Variants in TRIP4 observed in about 807,000 individuals in gnomAD.
TRIP4 encodes the protein thyroid hormone receptor interactor 4.
A neutral mutation model predicts 81.8 loss-of-function variants in TRIP4; 54 were observed. That is an observed-to-expected ratio of 0.66 (90% CI 0.53 to 0.83). TRIP4 has a LOEUF of 0.83. Among genes scored for constraint, TRIP4 ranks in the 40% least tolerant of loss-of-function variants. TRIP4 has a pLI of 0.00. For missense variants in TRIP4, 662 were observed against 683.6 expected (o/e 0.97, Z 0.35); for synonymous variants, 270 against 242.8 (o/e 1.11, Z -1.04).
chr15:64,424,520 T>G (rs964624730), intron 10 of TRIP4, among the ~76,000 whole-genome samples: 1 of 152,228 alleles, frequency 6.6e-6, no homozygotes, highest in African/African-American at 2.4e-5. Flanking sequence ...AGACACCTAC[T>G]ATTGGATTTG....
In TRIP4 at chr15:64,414,206, C is replaced by A; in HGVS notation, c.1165C>A (p.Pro389Thr). Residue 389 changes from proline (P) to threonine (T), a missense_variant, in exon 8 of 13, where the codon CCC becomes ACC. Physicochemically the swap from Pro to Thr is conservative, Grantham distance 38. Transcript: ENST00000261884. ...LVNPNMYQSP[P>T]QWVDHTGAAS... ...AAATCCCAACATGTACCAGTCCCCT[C>A]CCCAGGTTAGTGGACCTTTGCTCTA... is the stretch of plus-strand genomic sequence containing the variant. The A allele has an allele frequency of 1.2e-6, 2 of 1,613,954 alleles. No individual in the cohort carries two copies.
rs776433929 is a variant in TRIP4, at chr15:64,414,254, C to T, written c.1170+43C>T. 6.8e-6 allele frequency: 11 copies of T among 1,608,524 alleles called. 1 individual carries two copies. In the Admixed American group the frequency reaches 1.7e-4, roughly 25 times the overall value. On this transcript the variant is annotated intron_variant, in intron 8 of 12. Coordinates refer to ENST00000261884, the MANE Select transcript of TRIP4 (RefSeq NM_016213.5). ...CTAACTGTTAATAAGAAGTTTGGCC[C>T]CAATTTTGCCTTCTTTTAAGTATGT...
intron 11 of TRIP4, among the ~76,000 whole-genome samples, chr15:64,431,845 A>ATTTTTT (rs1237735745): frequency 0.055 from 1,248 of 22,688 alleles, 12 homozygotes; most frequent in Middle Eastern, 0.21. Flanking sequence ...ATATATATAT[A>ATTTTTT]TATTTTTTTT....
chr15:64,392,174 T>C (rs547194964), intron 1 of TRIP4, among the ~76,000 whole-genome samples: 1 of 151,736 alleles, frequency 6.6e-6, no homozygotes, highest in Non-Finnish European at 1.5e-5. Context: ...TGTGCACGCC[T>C]GTAATCCCAG....
intron 12 of TRIP4, among the ~76,000 whole-genome samples, chr15:64,449,327 A>G (rs1892702583): frequency 6.7e-6 from 1 of 148,746 alleles, no homozygotes; most frequent in South Asian, 2.1e-4. Flanking sequence ...GAACCTAGCC[A>G]CCCTTTACAG....
intron 7 of TRIP4, among the ~76,000 whole-genome samples, chr15:64,411,447 A>G (rs1178285675): frequency 6.6e-6 from 1 of 151,994 alleles, no homozygotes; most frequent in Non-Finnish European, 1.5e-5. Context: ...ATTCCTCTCA[A>G]TTTTGCTCTG....
At chr15:64,415,026 C>G (rs1158230986) in intron 8 of TRIP4, among the ~76,000 whole-genome samples, 1 of 151,100 alleles carries the variant, frequency 6.6e-6, no homozygotes, top group Non-Finnish European at 1.5e-5. Context: ...GCCCAGGAGG[C>G]AGAGGTTGCA....
chr15:64,395,762 G>T (rs1900273739), intron 3 of TRIP4, among the ~76,000 whole-genome samples: 1 of 144,590 alleles, frequency 6.9e-6, no homozygotes, highest in African/African-American at 2.6e-5. Context: ...TTTTCCCCAA[G>T]ACAGAGTCTT....
intron 8 of TRIP4, among the ~76,000 whole-genome samples, chr15:64,415,248 G>A (rs1340671080): frequency 1.3e-5 from 2 of 152,162 alleles, no homozygotes; most frequent in East Asian, 3.8e-4. Flanking sequence ...TCTGGAGAGG[G>A]AATTTCCAGG....
intron 10 of TRIP4, 94 bp from the exon 11 acceptor site, chr15:64,425,446 T>A: frequency 9.3e-7 from 1 of 1,072,162 alleles, no homozygotes; most frequent in Non-Finnish European, 1.4e-6. Context: ...ATGGAAAAAG[T>A]TATTAATGTT....
intron 4 of TRIP4, among the ~76,000 whole-genome samples, chr15:64,400,255 C>T (rs1466283567): frequency 1.3e-5 from 2 of 151,344 alleles, no homozygotes; most frequent in Admixed American, 6.6e-5. Flanking sequence ...CCAGCCTGGG[C>T]AACATGGCAA....
At chr15:64,395,329 A>G (rs1900256094) in intron 2 of TRIP4, 69 bp from the exon 3 acceptor site, 4 of 1,381,286 alleles carry the variant, frequency 2.9e-6, no homozygotes, top group South Asian at 2.9e-5. Context: ...TTTATTAGCT[A>G]TATTAGTTCA....
At chr15:64,438,538 C>T (rs765411758) in intron 11 of TRIP4, among the ~76,000 whole-genome samples, 3 of 152,108 alleles carry the variant, frequency 2.0e-5, no homozygotes, top group Non-Finnish European at 4.4e-5. Flanking sequence ...AGGCTGGTCT[C>T]GAACTCCCAA....
chr15:64,405,673 A>T (rs1216902092), intron 5 of TRIP4, among the ~76,000 whole-genome samples: 1 of 151,808 alleles, frequency 6.6e-6, no homozygotes, highest in African/African-American at 2.4e-5. Context: ...TTTTTCTTCC[A>T]TTATTTAGTG....
chr15:64,445,265 G>T, intron 12 of TRIP4, 157 bp downstream of exon 12: 1 of 427,614 alleles, frequency 2.3e-6, no homozygotes, highest in Non-Finnish European at 4.2e-6. Context: ...ATCTTTGATG[G>T]TCTAATTTTC....
chr15:64,395,912 C>CT (rs3057763), intron 3 of TRIP4, among the ~76,000 whole-genome samples: 82 of 143,874 alleles, frequency 5.7e-4, no homozygotes, highest in African/African-American at 2.0e-3. Flanking sequence ...AGCTAATTTT[C>CT]TTTTTTTTTT....
chr15:64,406,454 A>G lies in TRIP4; in HGVS notation c.822A>G (p.Arg274=). The G allele has an allele frequency of 6.2e-7, 1 of 1,613,588 alleles. No individual in the cohort carries two copies. Among genetic ancestry groups the G allele is most frequent in the Non-Finnish European group, 8.5e-7 (1 of 1,179,880 alleles). Residue 274 remains arginine, a synonymous_variant, in exon 6 of 13, where the codon AGA becomes AGG. Coordinates refer to ENST00000261884, the MANE Select transcript of TRIP4 (RefSeq NM_016213.5). ...KHKDKLLEFD[R]TSIRRTQVID... is the part of the protein sequence containing the mutation. ...AAGACAAACTGTTAGAGTTTGACAG[A>G]ACTAGGTATGAAAGGGTTAGAATAA...
intron 7 of TRIP4, among the ~76,000 whole-genome samples, chr15:64,411,711 G>A (rs1374750149): frequency 2.7e-5 from 4 of 147,980 alleles, no homozygotes; most frequent in South Asian, 4.2e-4. Flanking sequence ...ACAAAGTCTC[G>A]CTCTGTTGCC....
intron 5 of TRIP4, among the ~76,000 whole-genome samples, chr15:64,403,048 T>C (rs1891546804): frequency 6.6e-6 from 1 of 151,720 alleles, no homozygotes; most frequent in African/African-American, 2.4e-5. Flanking sequence ...TTTTTTAGTA[T>C]AGACGGTGTT....
Sources: gnomAD v4.1 joint callset for allele counts (sites outside exome capture counted in the v4.1 genomes callset) on GRCh38, gnomAD v4.1.1 for gene constraint, MANE v1.5 for transcripts, NCBI Gene and HGNC (gene_info 2026-07-23, HGNC 2026-07-21) for gene names.